The following RAB26 variants were observed in gnomAD, a reference collection of about 807,000 sequenced individuals.
The protein encoded by RAB26 is ras-related protein Rab-26.
Under a neutral mutation model 33.1 loss-of-function variants are expected in RAB26, and 39 were observed. The ratio of observed to expected loss-of-function variants is 1.18; its 90% CI spans 0.91 to 1.54. The LOEUF is 1.54. Among genes scored for constraint, RAB26 ranks in the 40% most tolerant of loss-of-function variants. The pLI is 0.00. For synonymous variants in RAB26, 192 were observed against 151.9 expected, an observed-to-expected ratio of 1.26 and a Z score of -1.94; for missense variants, 468 against 362.9, an observed-to-expected ratio of 1.29 and a Z score of -2.35.
At chr16:2,149,919 C>G (rs769666852) in intron 1 of RAB26, 22 bp from the exon 2 acceptor site, 13 of 1,504,500 alleles carry the variant, frequency 8.6e-6, no homozygotes, top group African/African-American at 1.4e-5. Flanking sequence ...CAGACTCCCC[C>G]CAACCCTCCT....
chr16:2,151,329 T>C (rs900479072), intron 2 of RAB26: 10 of 619,360 alleles, frequency 1.6e-5, no homozygotes, highest in Non-Finnish European at 2.6e-5. Flanking sequence ...AGAGGCCTGG[T>C]GGGGTCATGA....
At chr16:2,150,934 C>G (rs964586235) in intron 2 of RAB26, among the ~76,000 whole-genome samples, 3 of 152,210 alleles carry the variant, frequency 2.0e-5, no homozygotes, top group African/African-American at 7.2e-5. Context: ...GCTGAAGCCC[C>G]CCGCCCCCAC....
chr16:2,153,255 C>G (rs2093012666), intron 8 of RAB26, 33 bp downstream of exon 8: 1 of 1,613,484 alleles, frequency 6.2e-7, no homozygotes, highest in Non-Finnish European at 8.5e-7. Flanking sequence ...ACTCCCCCAG[C>G]CCAGGGCCTG....
intron 2 of RAB26, among the ~76,000 whole-genome samples, chr16:2,150,544 C>A (rs1374492953): frequency 7.6e-6 from 1 of 132,130 alleles, no homozygotes; most frequent in Non-Finnish European, 1.6e-5. Flanking sequence ...TTGCATTTTT[C>A]TCACCCTTTA....
intron 2 of RAB26, 134 bp from the exon 3 acceptor site, chr16:2,151,435 C>T (rs1567239622): frequency 1.2e-5 from 16 of 1,283,344 alleles, no homozygotes; most frequent in Non-Finnish European, 1.7e-5. Flanking sequence ...GTCAAATTGG[C>T]TTAAGGGAAG....
chr16:2,151,838 A>C lies in RAB26; in HGVS notation c.416-18A>C. 1 of 1,614,046 alleles carries C rather than the reference A, an allele frequency of 6.2e-7. No homozygotes were observed. Among genetic ancestry groups the C allele is most frequent in the Non-Finnish European group, 8.5e-7 (1 of 1,180,020 alleles). ...GGTGCAGGTGATGGTGGATGTCCTC[A>C]CTGCCCTCTGTCCCCAGCTCTGCTG... On this transcript the variant is annotated intron_variant, in intron 4 of 8. Transcript: ENST00000210187.
At chr16:2,152,216 C>G (rs2093007418) in intron 5 of RAB26, among the ~76,000 whole-genome samples, 1 of 152,246 alleles carries the variant, frequency 6.6e-6, no homozygotes, top group Admixed American at 6.5e-5. Flanking sequence ...TCGAGACCAG[C>G]CTGGCCAACA....
At chr16:2,150,955 G>T (rs1266128673) in intron 2 of RAB26, among the ~76,000 whole-genome samples, 2 of 152,216 alleles carry the variant, frequency 1.3e-5, no homozygotes, top group Admixed American at 6.5e-5. Context: ...CCCAACAGAT[G>T]GGACTGGGGC....
At chr16:2,149,055 G>T (rs980360299) in intron 1 of RAB26, 77 bp downstream of exon 1, 3 of 1,235,930 alleles carry the variant, frequency 2.4e-6, no homozygotes, top group Admixed American at 8.5e-5. Flanking sequence ...GGTCGGACAG[G>T]GGGTGCAGGG....
At position 2,150,004 on chromosome 16, in the gene RAB26, G is replaced by A. The variant is rs1485267341; in HGVS notation, c.259G>A (p.Ala87Thr). The change falls in exon 2 of 9, where the codon GCT becomes ACT. Residue 87 changes from alanine to threonine, a missense_variant. Coordinates refer to ENST00000210187, the MANE Select transcript of RAB26 (RefSeq NM_014353.5). Reference sequence around the variant, plus strand: ...TCTGCTGGTGCGATTCAAGGATGGTGCTTTCCTGGCGGGGACCTTCATCTC... The same window carrying A: ...TCTGCTGGTGCGATTCAAGGATGGTACTTTCCTGGCGGGGACCTTCATCTC... ...TCLLVRFKDG[A>T]FLAGTFISTV... is the part of the protein sequence containing the mutation. The A allele has an allele frequency of 1.3e-6, 2 of 1,545,494 alleles. No individual in the cohort carries two copies. The highest frequency in any genetic ancestry group is 3.3e-4 in the Middle Eastern group (2 of 5,972).
chr16:2,151,138 C>T (rs1175996396), intron 2 of RAB26: 18 of 449,240 alleles, frequency 4.0e-5, no homozygotes, highest in Non-Finnish European at 3.5e-5. Context: ...AGCAGGGTCT[C>T]ACTCTGTCGC....
intron 5 of RAB26, 45 bp downstream of exon 5, chr16:2,151,953 G>A (rs1382452371): frequency 1.2e-6 from 2 of 1,608,070 alleles, no homozygotes; most frequent in Admixed American, 3.3e-5. Flanking sequence ...GATAGGGCCT[G>A]ACCCATCCCA....
chr16:2,150,963 G>T (rs981567502), intron 2 of RAB26, among the ~76,000 whole-genome samples: 1 of 152,224 alleles, frequency 6.6e-6, no homozygotes, highest in African/African-American at 2.4e-5. Flanking sequence ...ATGGGACTGG[G>T]GCTAGACCAC....
At chr16:2,151,953 G>T in intron 5 of RAB26, 45 bp downstream of exon 5, 1 of 1,608,068 alleles carries the variant, frequency 6.2e-7, no homozygotes, top group South Asian at 1.1e-5. Context: ...GATAGGGCCT[G>T]ACCCATCCCA....
At position 2,152,719 on chromosome 16, in the gene RAB26, TAA is replaced by T. The variant is rs774524986; in HGVS notation, c.469-99_469-98del. The T allele has an allele frequency of 5.5e-3, 2,843 of 516,566 alleles. 13 individuals are homozygous for T. The highest frequency in any genetic ancestry group is 8.3e-3 in the Admixed American group (179 of 21,552). 32.0% of individuals were successfully genotyped at this position (516,566 alleles called of 1,614,324 possible). On this transcript the variant is annotated intron_variant, in intron 5 of 8. Coordinates refer to ENST00000210187, the MANE Select transcript of RAB26 (RefSeq NM_014353.5). ...AAAAAAAAAAAAAAAAAAAAAAAGA[TAA>T]AGACAGGTGCCCTCTACAGTGTGAC...
chr16:2,148,563 TGGC>T (rs1386316210), upstream of RAB26: 29 of 158,636 alleles, frequency 1.8e-4, no homozygotes, highest in Non-Finnish European at 3.4e-4. Context: ...CGCACGGCAT[TGGC>T]GGCGGCGGCG....
At position 2,152,844 on chromosome 16, in the gene RAB26, T is replaced by C. The variant is rs1186930172; in HGVS notation, c.493T>C (p.Tyr165His). 2 of 1,603,434 alleles carry C rather than the reference T, an allele frequency of 1.2e-6. No homozygotes were observed. The highest frequency in any genetic ancestry group is 1.7e-5 in the Admixed American group (1 of 58,734). ...GGCCTGGCTGACCGAGATCCACGAGTACGCCCAGCACGACGTGGCGCTCAT... is the reference window on the plus strand; with the variant it reads ...GGCCTGGCTGACCGAGATCCACGAGCACGCCCAGCACGACGTGGCGCTCAT... ...IQAWLTEIHEYAQHDVALMLL... is the reference protein window; with the variant it reads ...IQAWLTEIHEHAQHDVALMLL... Residue 165 changes from tyrosine to histidine, a missense_variant, in exon 6 of 9, where the codon TAC becomes CAC. Coordinates refer to ENST00000210187, the MANE Select transcript of RAB26 (RefSeq NM_014353.5).
chr16:2,149,906 G>A (rs772039439), intron 1 of RAB26, 35 bp from the exon 2 acceptor site: 121 of 1,479,410 alleles, frequency 8.2e-5, no homozygotes, highest in Non-Finnish European at 1.1e-4. Context: ...GCTCAGGGCA[G>A]ACCAGACTCC....
chr16:2,149,714 G>A (rs1465846943), intron 1 of RAB26, among the ~76,000 whole-genome samples: 1 of 152,198 alleles, frequency 6.6e-6, no homozygotes. Context: ...GATGCAGGTG[G>A]CTGCCCTCAC....
Sources: allele counts gnomAD v4.1 joint callset (sites outside exome capture counted in the v4.1 genomes callset), GRCh38; gene constraint gnomAD v4.1.1; transcripts MANE v1.5; gene names NCBI Gene and HGNC (gene_info 2026-07-23, HGNC 2026-07-21).